SLC39A12: variants seen among roughly 807,000 people sequenced by gnomAD.
SLC39A12 encodes solute carrier family 39 member 12, also known as zinc transporter ZIP12.
SLC39A12 carries 63 observed loss-of-function variants against 71.1 expected under a neutral mutation model. The observed-to-expected ratio is 0.89, with a 90% CI of 0.72 to 1.09. The LOEUF (loss-of-function observed/expected upper bound fraction) is 1.09. Ranked by LOEUF, SLC39A12 falls within the 50% of genes least tolerant of loss-of-function variation. SLC39A12 has a pLI of 0.00. For synonymous variants in SLC39A12, 351 were observed against 301.3 expected (o/e 1.16, Z -1.71); for missense variants, 892 against 812.6 (o/e 1.10, Z -1.19).
intron 12 of SLC39A12, among the ~76,000 whole-genome samples, chr10:18,014,235 T>A (rs1300991243): frequency 1.3e-5 from 2 of 152,198 alleles, no homozygotes; most frequent in Non-Finnish European, 2.9e-5. Context: ...TACATTTGTT[T>A]TCGTTTCTTT....
chr10:17,980,143 A>G (rs1299501982), intron 5 of SLC39A12, among the ~76,000 whole-genome samples: 2 of 152,036 alleles, frequency 1.3e-5, no homozygotes, highest in Admixed American at 1.3e-4. Flanking sequence ...GTTCTTTGAG[A>G]CCATCTGTGC....
intron 12 of SLC39A12, among the ~76,000 whole-genome samples, chr10:18,024,926 C>T (rs545028081): frequency 2.0e-5 from 3 of 152,146 alleles, no homozygotes; most frequent in Non-Finnish European, 4.4e-5. Context: ...ATCGCTACGA[C>T]CACTTATATA....
intron 12 of SLC39A12, among the ~76,000 whole-genome samples, chr10:18,036,890 G>T (rs565628712): frequency 1.3e-5 from 2 of 149,834 alleles, no homozygotes; most frequent in East Asian, 2.0e-4. Context: ...AGGTTTAAAC[G>T]ATTCTCTTGC....
intron 8 of SLC39A12, among the ~76,000 whole-genome samples, chr10:17,992,804 G>T (rs771824759): frequency 6.6e-6 from 1 of 152,144 alleles, no homozygotes; most frequent in African/African-American, 2.4e-5. Context: ...AAAGGAATAC[G>T]TATGTTTTAG....
intron 7 of SLC39A12, among the ~76,000 whole-genome samples, chr10:17,988,882 G>A (rs2437272): frequency 0.45 from 67,833 of 151,998 alleles, 15,530 homozygotes; most frequent in South Asian, 0.54. Flanking sequence ...GCTTTCCTGC[G>A]ATTGCCAGTC....
At chr10:18,022,552 AT>A (rs1302926596) in intron 12 of SLC39A12, among the ~76,000 whole-genome samples, 3 of 151,980 alleles carry the variant, frequency 2.0e-5, no homozygotes, top group Non-Finnish European at 4.4e-5. Context: ...GATTCTTTAG[AT>A]TTCTTGGAAT....
intron 12 of SLC39A12, among the ~76,000 whole-genome samples, chr10:18,004,881 A>G (rs908480177): frequency 1.3e-5 from 2 of 152,218 alleles, no homozygotes; most frequent in Non-Finnish European, 2.9e-5. Flanking sequence ...GCACCGTGGA[A>G]TAATACGCTG....
At chr10:18,025,248 T>C (rs1836645373) in intron 12 of SLC39A12, among the ~76,000 whole-genome samples, 1 of 151,738 alleles carries the variant, frequency 6.6e-6, no homozygotes, top group South Asian at 2.1e-4. Flanking sequence ...TTTTTTTTAT[T>C]ATACTTTAAG....
intron 9 of SLC39A12, among the ~76,000 whole-genome samples, chr10:17,993,930 C>A (rs1197466956): frequency 6.6e-6 from 1 of 152,110 alleles, no homozygotes; most frequent in Non-Finnish European, 1.5e-5. Flanking sequence ...GGAACCATGG[C>A]CTTAGGGTAA....
At chr10:18,013,776 A>G (rs910294874) in intron 12 of SLC39A12, among the ~76,000 whole-genome samples, 9 of 152,154 alleles carry the variant, frequency 5.9e-5, no homozygotes, top group Admixed American at 4.6e-4. Context: ...TCAATTGATC[A>G]CGTGTGCAAG....
At chr10:17,976,521 G>A (rs556957465) in intron 4 of SLC39A12, among the ~76,000 whole-genome samples, 5 of 152,264 alleles carry the variant, frequency 3.3e-5, no homozygotes, top group South Asian at 2.1e-4. Context: ...GGATTCAAGC[G>A]ATTCTCCCAT....
chr10:18,033,729 T>C (rs1236319920), intron 12 of SLC39A12, among the ~76,000 whole-genome samples: 1 of 140,248 alleles, frequency 7.1e-6, no homozygotes, highest in African/African-American at 2.7e-5. Flanking sequence ...TCTAGTTCTT[T>C]TAATTGTGAT....
At chr10:17,957,222 A>T (rs1004413656) in intron 2 of SLC39A12, among the ~76,000 whole-genome samples, 1 of 152,150 alleles carries the variant, frequency 6.6e-6, no homozygotes, top group Non-Finnish European at 1.5e-5. Flanking sequence ...GTTTTTTGTC[A>T]GCTGAGGCTC....
At chr10:18,024,978 AT>A (rs146626121) in intron 12 of SLC39A12, among the ~76,000 whole-genome samples, 3,317 of 152,172 alleles carry the variant, frequency 0.022, 50 homozygotes, top group South Asian at 0.043. Context: ...TTTTCTTTTT[AT>A]TTAAAGCATG....
intron 12 of SLC39A12, among the ~76,000 whole-genome samples, chr10:18,030,201 T>C (rs1261738378): frequency 6.6e-6 from 1 of 152,148 alleles, no homozygotes. Flanking sequence ...CTCCTTGAAC[T>C]TTTTTTGAAA....
At chr10:18,033,787 T>G (rs1162578154) in intron 12 of SLC39A12, among the ~76,000 whole-genome samples, 3 of 149,086 alleles carry the variant, frequency 2.0e-5, no homozygotes, top group Non-Finnish European at 3.0e-5. Flanking sequence ...TGTGGGCATT[T>G]AGTGCTATAA....
In SLC39A12 at chr10:17,995,661, C is replaced by A; in HGVS notation, c.1539C>A (p.Ser513Arg). The A allele has an allele frequency of 6.2e-7, 1 of 1,612,400 alleles. No individual in the cohort carries two copies. The highest frequency in any genetic ancestry group is 2.2e-5 in the East Asian group (1 of 44,834). ...GKSASTIQLK[S>R]PEDSQAAEMP... ...TATTTTTTAATTTAAAATAGAAAAG[C>A]CCAGAAGATTCACAGGCAGCTGAAA... Residue 513 changes from serine to arginine, a missense_variant, in exon 10 of 13, where the codon AGC (serine) becomes AGA (arginine). Transcript: ENST00000377369.
chr10:17,980,435 A>G (rs1026916038), intron 5 of SLC39A12, among the ~76,000 whole-genome samples: 5 of 152,232 alleles, frequency 3.3e-5, no homozygotes, highest in African/African-American at 1.2e-4. Flanking sequence ...GATCACAAAG[A>G]CATTGCATTG....
At chr10:17,985,635 T>G (rs1272037836) in intron 6 of SLC39A12, among the ~76,000 whole-genome samples, 3 of 152,152 alleles carry the variant, frequency 2.0e-5, no homozygotes, top group Non-Finnish European at 4.4e-5. Flanking sequence ...GGTAGAGAAA[T>G]AAGCATTTGC....
Sources: allele counts gnomAD v4.1 joint callset (sites outside exome capture counted in the v4.1 genomes callset), GRCh38; gene constraint gnomAD v4.1.1; transcripts MANE v1.5; gene names NCBI Gene and HGNC (gene_info 2026-07-23, HGNC 2026-07-21).